VASH2: variants seen among roughly 807,000 people sequenced by gnomAD.
VASH2 encodes tubulinyl-Tyr carboxypeptidase 2.
Under a neutral mutation model 37.2 loss-of-function variants are expected in VASH2, and 28 were observed. The observed-to-expected ratio is 0.75, with a 90% CI of 0.56 to 1.03. VASH2 has a LOEUF of 1.03. Ranked by LOEUF, VASH2 falls within the 50% of genes least tolerant of loss-of-function variation. The pLI, the probability that VASH2 is intolerant of heterozygous loss-of-function variation, is 0.00. For synonymous variants in VASH2, 188 were observed against 174.7 expected, an observed-to-expected ratio of 1.08 and a Z score of -0.60; for missense variants, 419 against 459.1, an observed-to-expected ratio of 0.91 and a Z score of 0.80.
chr1:212,972,493 TG>T, intron 5 of VASH2, 86 bp from the exon 6 acceptor site: 1 of 1,537,100 alleles, frequency 6.5e-7, no homozygotes, highest in Non-Finnish European at 8.8e-7. Context: ...ATGGACTCAC[TG>T]AACCCTGAGA....
In VASH2 at chr1:212,991,001, A is replaced by T. The variant is rs1289011036; in HGVS notation, c.*2417A>T. On this transcript the variant is annotated 3_prime_UTR_variant, in exon 8 of 8. Coordinates refer to ENST00000517399, the MANE Select transcript of VASH2 (RefSeq NM_001301056.2). ...GGCTAGAATTCAAAATATAAAAAAT[A>T]AAACTATGAAGTGATTTGAAATCGG... 2.6e-5 allele frequency: 4 copies of T among 152,248 alleles called. No homozygotes were observed. The highest frequency in any genetic ancestry group is 5.9e-5 in the Non-Finnish European group (4 of 68,040). 9.4% of individuals were successfully genotyped at this position (152,248 alleles called of 1,614,324 possible). A position where few individuals can be genotyped will look rare whatever the true frequency, so the allele number is the denominator to read the frequency against.
intron 2 of VASH2, among the ~76,000 whole-genome samples, chr1:212,954,912 TC>T (rs1156448842): frequency 1.3e-5 from 2 of 152,228 alleles, no homozygotes; most frequent in Non-Finnish European, 2.9e-5. Context: ...CCCAGTCCTA[TC>T]ATGGTATCTC....
At chr1:212,980,164 G>T (rs925631459) in intron 7 of VASH2, among the ~76,000 whole-genome samples, 3 of 152,240 alleles carry the variant, frequency 2.0e-5, no homozygotes, top group Admixed American at 6.5e-5. Flanking sequence ...CCCTCACTGG[G>T]AAGCTTCAGC....
Position 212,975,348 on chromosome 1 carries a change from C to T in VASH2, c.995+1278C>T, listed in dbSNP as rs1033471321. Among the ~76,000 whole-genome samples the T allele has an allele frequency of 2.0e-5, 3 of 152,190 alleles. No individual in the cohort carries two copies. In the South Asian group the frequency reaches 6.2e-4, roughly 32 times the overall value. On this transcript the variant is annotated intron_variant, in intron 7 of 7. Transcript: ENST00000517399. ...CGAGGGCCTTGGTGACAATGGCTGTCGTTCTGGGTTGGGAAGGAGGGTGTG... is the reference window on the plus strand; with the variant it reads ...CGAGGGCCTTGGTGACAATGGCTGTTGTTCTGGGTTGGGAAGGAGGGTGTG...
In VASH2 at chr1:212,974,060, C is replaced by T. The variant is rs1476830659; in HGVS notation, c.985C>T (p.Arg329Ter). ...QASPPRRLGRREKSPALPEKK... is the reference protein window; with the variant it reads ...QASPPRRLGR ...AAGCCCCCCGAGGAGGCTCGGCCGG[C>T]GAGAGAAGTCGTGAGTAATATTTCC... The change falls in exon 7 of 8, where the codon CGA becomes TGA. Residue 329 changes from arginine to a stop codon, truncating the protein, a stop_gained. Coordinates refer to ENST00000517399, the MANE Select transcript of VASH2 (RefSeq NM_001301056.2). LOFTEE classifies it high-confidence loss of function. The T allele has an allele frequency of 6.8e-6, 11 of 1,612,038 alleles. No individual in the cohort carries two copies. The highest frequency in any genetic ancestry group is 2.7e-5 in the African/African-American group (2 of 74,856).
At chr1:212,958,364 T>C (rs756471145) in intron 2 of VASH2, among the ~76,000 whole-genome samples, 23 of 152,194 alleles carry the variant, frequency 1.5e-4, no homozygotes, top group Admixed American at 3.3e-4. Flanking sequence ...GGGCAGGAAG[T>C]GTGGCCACAG....
At chr1:212,967,655 G>A (rs1263664905) in intron 5 of VASH2, 2 of 187,750 alleles carry the variant, frequency 1.1e-5, no homozygotes, top group Non-Finnish European at 2.2e-5. Flanking sequence ...GGAAAGGCTG[G>A]GCTGGATCAG....
At chr1:212,952,933 G>T (rs1246047904) in intron 2 of VASH2, 1 of 152,196 alleles carries the variant, frequency 6.6e-6, no homozygotes, top group African/African-American at 2.4e-5. Context: ...CTATTACTCT[G>T]CTGGTCAAGG....
Position 212,989,244 on chromosome 1 carries a change from G to A in VASH2, c.*660G>A, listed in dbSNP as rs2075831693. On this transcript the variant is annotated 3_prime_UTR_variant, in exon 8 of 8. Transcript: ENST00000517399. Reference sequence around the variant, plus strand: ...CTGGCAATACAAGAACCATTTTCAGGATCTTGGAGTTACTTCCTTCTTAAT... The same window carrying A: ...CTGGCAATACAAGAACCATTTTCAGAATCTTGGAGTTACTTCCTTCTTAAT... The A allele has an allele frequency of 6.6e-6, 1 of 152,402 alleles. No homozygotes were observed. 9.4% of individuals were successfully genotyped at this position (152,402 alleles called of 1,614,324 possible). A position where few individuals can be genotyped will look rare whatever the true frequency, so the allele number is the denominator to read the frequency against.
chr1:212,978,536 G>T (rs1243088222), intron 7 of VASH2, among the ~76,000 whole-genome samples: 4 of 152,202 alleles, frequency 2.6e-5, no homozygotes, highest in Non-Finnish European at 4.4e-5. Context: ...ATGGCTGATG[G>T]TTCAGTGAAA....
At chr1:212,984,171 A>C (rs941393093) in intron 7 of VASH2, among the ~76,000 whole-genome samples, 2 of 152,238 alleles carry the variant, frequency 1.3e-5, no homozygotes, top group African/African-American at 2.4e-5. Context: ...AAGACTAAGA[A>C]AAGGAGTTCA....
intron 4 of VASH2, chr1:212,965,986 C>T (rs568499109): frequency 7.1e-5 from 43 of 609,306 alleles, no homozygotes; most frequent in African/African-American, 6.5e-4. Context: ...ATTCTAGCTT[C>T]CAGGGTGGAG....
At chr1:212,954,640 G>A (rs1345119769) in intron 2 of VASH2, among the ~76,000 whole-genome samples, 1 of 152,008 alleles carries the variant, frequency 6.6e-6, no homozygotes, top group Non-Finnish European at 1.5e-5. Flanking sequence ...GGCTGGTCTC[G>A]AACTCATGAC....
chr1:212,973,021 C>G, intron 6 of VASH2, 60 bp downstream of exon 6: 1 of 1,561,234 alleles, frequency 6.4e-7, no homozygotes, highest in East Asian at 2.3e-5. Flanking sequence ...TCCTTTCTCT[C>G]TGTCTCTTGC....
Position 212,974,067 on chromosome 1 carries a change from AGTC to A in VASH2, c.995_995+2del. The A allele has an allele frequency of 6.2e-7, 1 of 1,611,428 alleles. No homozygotes were observed. Among genetic ancestry groups the A allele is most frequent in the Admixed American group, 1.7e-5 (1 of 59,702 alleles). On this transcript the variant is annotated inframe_deletion and splice_region_variant, in exon 7 of 8. Transcript: ENST00000517399. ...CCGAGGAGGCTCGGCCGGCGAGAGA[AGTC>A]GTGAGTAATATTTCCTCTTCCCCAA... is the stretch of plus-strand genomic sequence containing the variant.
chr1:212,961,197 T>C lies in VASH2; in HGVS notation c.308T>C (p.Leu103Pro). Residue 103 changes from leucine (L) to proline (P), a missense_variant, in exon 3 of 8, where the codon CTG becomes CCG. Physicochemically the swap from Leu to Pro is moderately conservative, Grantham distance 98. This residue lies in a region of VASH2 where 158 missense variants were observed against 163.0 expected (regional missense o/e 0.97). Coordinates refer to ENST00000517399, the MANE Select transcript of VASH2 (RefSeq NM_001301056.2). Reference sequence around the variant, plus strand: ...ATACCCCAGGTCCCAAACTACAGGCTGTCGATGACGATCCCAGACTGGCTC... The same window carrying C: ...ATACCCCAGGTCCCAAACTACAGGCCGTCGATGACGATCCCAGACTGGCTC... ...PSIPQVPNYR[L>P]SMTIPDWLQA... 6.2e-7 allele frequency: 1 copy of C among 1,614,224 alleles called. No homozygotes were observed. The highest frequency in any genetic ancestry group is 8.5e-7 in the Non-Finnish European group (1 of 1,180,036).
intron 7 of VASH2, among the ~76,000 whole-genome samples, chr1:212,978,244 C>T (rs12563167): frequency 0.44 from 67,192 of 151,890 alleles, 17,796 homozygotes; most frequent in Non-Finnish European, 0.6. Flanking sequence ...CTTTTTCATG[C>T]AGCCAAGGCA....
In VASH2 at chr1:212,960,880, T is replaced by C. The variant is rs116144527; in HGVS notation, c.277-286T>C. ...CTTCGCATCAAGGAGGCATTAGCCT[T>C]CTGCAGGGAAAAAGGCTGTATTCAC... is the stretch of plus-strand genomic sequence containing the variant. On this transcript the variant is annotated intron_variant, in intron 2 of 7. Transcript: ENST00000517399. Among the ~76,000 whole-genome samples the C allele has an allele frequency of 5.9e-3, 892 of 152,292 alleles. 16 individuals carry two copies. Among genetic ancestry groups the C allele is most frequent in the African/African-American group, 0.019 (807 of 41,556 alleles).
intron 7 of VASH2, among the ~76,000 whole-genome samples, chr1:212,985,749 G>A (rs931744151): frequency 7.2e-5 from 11 of 152,230 alleles, no homozygotes; most frequent in African/African-American, 2.2e-4. Flanking sequence ...CACTCCAGCC[G>A]TCGCTTCCAT....
Sources: allele counts gnomAD v4.1 joint callset (sites outside exome capture counted in the v4.1 genomes callset), GRCh38; gene constraint gnomAD v4.1.1; regional missense constraint gnomAD v4.1.1; transcripts MANE v1.5; gene names NCBI Gene and HGNC (gene_info 2026-07-23, HGNC 2026-07-21).